Variants in MEGF10 observed in about 807,000 individuals in gnomAD.
MEGF10 encodes multiple EGF like domains 10.
In MEGF10, 86 loss-of-function variants were observed where a neutral mutation model predicts 147.5. The ratio of observed to expected loss-of-function variants is 0.58; its 90% confidence interval spans 0.49 to 0.70. The LOEUF is 0.70. Among genes scored for constraint, MEGF10 ranks in the 30% least tolerant of loss-of-function variants. The probability of loss-of-function intolerance (pLI) is 0.00; values close to 1 mark genes in which losing one functional copy is unlikely to be tolerated. For missense variants in MEGF10, 1,329 were observed against 1,487.3 expected (o/e 0.89, Z 1.75); for synonymous variants, 478 against 525.5 (o/e 0.91, Z 1.24).
rs1325188852 is a variant in MEGF10, at chr5:127,457,557, G to A, written c.*239G>A. ...TGCTGTTAGTTTTAGAACTATACCC[G>A]TGAAGCATGACTTATTGTAAGATGT... On this transcript the variant is annotated 3_prime_UTR_variant, in exon 25 of 25. Coordinates refer to ENST00000503335, the MANE Select transcript of MEGF10 (RefSeq NM_001256545.2). 6.5e-6 allele frequency: 3 copies of A among 461,702 alleles called. No homozygotes were observed. Among genetic ancestry groups the A allele is most frequent in the South Asian group, 3.8e-5 (1 of 26,426 alleles). The allele number at this position is 461,702 out of a possible 1,614,324, so 28.6% of individuals were successfully genotyped here.
upstream of MEGF10, among the ~76,000 whole-genome samples, chr5:127,289,543 G>A (rs1282480428): frequency 6.6e-6 from 1 of 152,136 alleles, no homozygotes; most frequent in African/African-American, 2.4e-5. Flanking sequence ...AAAGAAAAAT[G>A]GAGGTACTGT....
At chr5:127,320,297 G>GGCAGGGAAGGACAAACCAGGAGAC (rs1561568952) in intron 1 of MEGF10, among the ~76,000 whole-genome samples, 2 of 152,118 alleles carry the variant, frequency 1.3e-5, no homozygotes, top group African/African-American at 2.4e-5. Context: ...CACTAAAAAT[G>GGCAGGGAAGGACAAACCAGGAGAC]GCAGGGAAGG....
intron 4 of MEGF10, among the ~76,000 whole-genome samples, chr5:127,346,227 G>A (rs2126811151): frequency 6.6e-6 from 1 of 152,242 alleles, no homozygotes; most frequent in Admixed American, 6.5e-5. Context: ...ATACCCAATA[G>A]TGGGATTGCT....
In MEGF10 at chr5:127,448,959, A is replaced by G. The variant is rs1012235371; in HGVS notation, c.2857-140A>G. ...TTGCAAGTCCCACCAGGTTACAAGCAGTCACCTCGGCCCCTGAGCTCAGGT... is the reference window on the plus strand; with the variant it reads ...TTGCAAGTCCCACCAGGTTACAAGCGGTCACCTCGGCCCCTGAGCTCAGGT... On this transcript the variant is annotated intron_variant, in intron 21 of 24. Transcript: ENST00000503335. The G allele has an allele frequency of 4.9e-6, 5 of 1,026,694 alleles. No individual in the cohort carries two copies. In the South Asian group the frequency reaches 9.1e-5, roughly 19 times the overall value. 63.6% of individuals were successfully genotyped at this position (1,026,694 alleles called of 1,614,324 possible). A position where few individuals can be genotyped will look rare whatever the true frequency, so the allele number is the denominator to read the frequency against.
intron 4 of MEGF10, among the ~76,000 whole-genome samples, chr5:127,341,159 C>T (rs1761668430): frequency 6.6e-6 from 1 of 152,156 alleles, no homozygotes; most frequent in Non-Finnish European, 1.5e-5. Flanking sequence ...CTCCCCACTT[C>T]ACCAGTTCAT....
At chr5:127,351,829 C>T (rs930380653) in intron 4 of MEGF10, among the ~76,000 whole-genome samples, 2 of 152,206 alleles carry the variant, frequency 1.3e-5, no homozygotes, top group African/African-American at 4.8e-5. Flanking sequence ...CACTTCCAAA[C>T]ATAGCCATGA....
intron 8 of MEGF10, among the ~76,000 whole-genome samples, chr5:127,409,249 C>G (rs1440864471): frequency 6.6e-6 from 1 of 152,166 alleles, no homozygotes; most frequent in Non-Finnish European, 1.5e-5. Flanking sequence ...TGTTATTATG[C>G]CTTACTGCTC....
intron 5 of MEGF10, among the ~76,000 whole-genome samples, chr5:127,388,983 T>A (rs551483068): frequency 6.6e-6 from 1 of 152,216 alleles, no homozygotes; most frequent in South Asian, 2.1e-4. Flanking sequence ...TGCTCTGCCT[T>A]AGAAAGAGTG....
At chr5:127,312,463 AT>A (rs1561563729) in intron 1 of MEGF10, among the ~76,000 whole-genome samples, 1 of 152,086 alleles carries the variant, frequency 6.6e-6, no homozygotes, top group African/African-American at 2.4e-5. Flanking sequence ...CTATTTTTTC[AT>A]TTTTGTTTCA....
intron 1 of MEGF10, among the ~76,000 whole-genome samples, chr5:127,308,607 G>T (rs554394246): frequency 1.3e-5 from 2 of 151,888 alleles, no homozygotes; most frequent in South Asian, 2.1e-4. Flanking sequence ...GCAAACTATC[G>T]CAAGGACGAA....
intron 13 of MEGF10, among the ~76,000 whole-genome samples, chr5:127,425,813 A>G (rs575937981): frequency 6.6e-6 from 1 of 152,362 alleles, no homozygotes; most frequent in South Asian, 2.1e-4. Context: ...AAAGATAAAC[A>G]TAAGCCCAGA....
the MEGF10 span, among the ~76,000 whole-genome samples, chr5:127,259,242 G>T: frequency 7.2e-5 from 11 of 152,280 alleles, no homozygotes; most frequent in African/African-American, 2.6e-4. Context: ...CCAGGCCAAA[G>T]ACCTAGTTCT....
At chr5:127,348,881 T>C (rs1190483310) in intron 4 of MEGF10, among the ~76,000 whole-genome samples, 3 of 152,162 alleles carry the variant, frequency 2.0e-5, no homozygotes, top group Non-Finnish European at 4.4e-5. Context: ...TAAATAATTT[T>C]TGTAAATCTA....
At chr5:127,294,119 T>C (rs1465129370) in intron 1 of MEGF10, among the ~76,000 whole-genome samples, 2 of 152,244 alleles carry the variant, frequency 1.3e-5, no homozygotes, top group Admixed American at 6.5e-5. Context: ...TTTAAGACAC[T>C]ATTCAAATCC....
At chr5:127,271,173 C>A in the MEGF10 span, among the ~76,000 whole-genome samples, 1 of 152,212 alleles carries the variant, frequency 6.6e-6, no homozygotes, top group Non-Finnish European at 1.5e-5. Context: ...ATTTACACTC[C>A]TACCAAGAGT....
Position 127,434,692 on chromosome 5 carries a change from T to G in MEGF10, c.1846T>G (p.Ser616Ala), listed in dbSNP as rs776403063. Reference sequence around the variant, plus strand: ...GATTTCCCTTCTGTTTTCAGTCTGCTCCCCTGGTTTTTATGGGCATCGCTG... The same window carrying G: ...GATTTCCCTTCTGTTTTCAGTCTGCGCCCCTGGTTTTTATGGGCATCGCTG... ...FRGTTCQRIC[S>A]PGFYGHRCSQ... Residue 616 changes from serine (S) to alanine (A), a missense_variant, in exon 15 of 25, where the codon TCC becomes GCC. Transcript: ENST00000503335. 1 of 1,610,450 alleles carries G rather than the reference T, an allele frequency of 6.2e-7. No individual in the cohort carries two copies. The highest frequency in any genetic ancestry group is 1.1e-5 in the South Asian group (1 of 90,556).
intron 5 of MEGF10, among the ~76,000 whole-genome samples, chr5:127,393,821 T>C (rs1226145636): frequency 2.0e-5 from 3 of 151,496 alleles, no homozygotes; most frequent in East Asian, 3.8e-4. Context: ...TTTTTTTTTT[T>C]CTTTTTTTTT....
the MEGF10 span, among the ~76,000 whole-genome samples, chr5:127,247,779 G>A: frequency 6.6e-6 from 1 of 152,168 alleles, no homozygotes; most frequent in South Asian, 2.1e-4. Context: ...AAGATCATTA[G>A]TCTGATTGAG....
At chr5:127,326,306 C>A (rs1483850091) in intron 1 of MEGF10, among the ~76,000 whole-genome samples, 1 of 152,054 alleles carries the variant, frequency 6.6e-6, no homozygotes, top group East Asian at 1.9e-4. Flanking sequence ...TTAGAATATG[C>A]TTGTTGTGGG....
Sources: allele counts gnomAD v4.1 joint callset (sites outside exome capture counted in the v4.1 genomes callset), GRCh38; gene constraint gnomAD v4.1.1; transcripts MANE v1.5; gene names NCBI Gene and HGNC (gene_info 2026-07-23, HGNC 2026-07-21).